The following ZNF521 variants were observed in gnomAD, a reference collection of about 807,000 sequenced individuals.
The protein encoded by ZNF521 is zinc finger protein 521, also known as LYST-interacting protein 3.
ZNF521 carries 14 observed loss-of-function variants against 105.5 expected under a neutral mutation model. The observed-to-expected ratio is 0.13, with a 90% confidence interval of 0.09 to 0.21. The LOEUF is 0.21. ZNF521 is among the 10% of genes least tolerant of loss of function. The pLI is 1.00. For missense variants in ZNF521, 1,233 were observed against 1,629.7 expected (o/e 0.76, Z 4.19); for synonymous variants, 635 against 606.0 (o/e 1.05, Z -0.70).
At chr18:25,280,902 GCTCATGACAAAGGCTTCTAAATACTGT>G (rs1426766781) in intron 3 of ZNF521, among the ~76,000 whole-genome samples, 1 of 151,994 alleles carries the variant, frequency 6.6e-6, no homozygotes, top group Non-Finnish European at 1.5e-5. Flanking sequence ...AAATACAAGG[GCTCATGACAAAGGCTTCTAAATACTGT>G]CTCACTCTCT....
At chr18:25,159,150 C>A (rs1434909041) in intron 5 of ZNF521, among the ~76,000 whole-genome samples, 1 of 152,040 alleles carries the variant, frequency 6.6e-6, no homozygotes, top group African/African-American at 2.4e-5. Flanking sequence ...TAAAGTGCTG[C>A]AACTTTAGGA....
chr18:25,170,282 A>G (rs1319414402), intron 5 of ZNF521, among the ~76,000 whole-genome samples: 3 of 152,082 alleles, frequency 2.0e-5, no homozygotes, highest in African/African-American at 7.2e-5. Flanking sequence ...CAGATTGAAT[A>G]TGACTTCATA....
At chr18:25,189,342 T>TA (rs1335723819) in intron 5 of ZNF521, among the ~76,000 whole-genome samples, 1 of 152,238 alleles carries the variant, frequency 6.6e-6, no homozygotes, top group Non-Finnish European at 1.5e-5. Flanking sequence ...ATTGTGGAGA[T>TA]AATTAAACCC....
intron 5 of ZNF521, among the ~76,000 whole-genome samples, chr18:25,145,188 A>G (rs1226168721): frequency 6.6e-6 from 1 of 152,164 alleles, no homozygotes; most frequent in East Asian, 1.9e-4. Context: ...TTTTCTGGCC[A>G]TTGTCCACTA....
chr18:25,329,544 C>T lies in ZNF521; in HGVS notation c.41-7357G>A, dbSNP rs560386307. Reference sequence around the variant, plus strand: ...AGAAACAAAGGTAAGGCCACAGATACGTAAAACAACATGATGACTTCAAAG... The same window carrying T: ...AGAAACAAAGGTAAGGCCACAGATATGTAAAACAACATGATGACTTCAAAG... On this transcript the variant is annotated intron_variant, in intron 2 of 7. Transcript: ENST00000361524. Among the ~76,000 whole-genome samples the T allele has an allele frequency of 8.5e-5, 13 of 152,202 alleles. No individual in the cohort carries two copies. In the South Asian group the frequency reaches 2.5e-3, roughly 29 times the overall value.
intron 4 of ZNF521, among the ~76,000 whole-genome samples, chr18:25,216,187 A>G (rs1318917794): frequency 1.3e-5 from 2 of 152,182 alleles, no homozygotes; most frequent in Admixed American, 6.5e-5. Context: ...AATACAAAAC[A>G]GAACTCCGGG....
intron 7 of ZNF521, among the ~76,000 whole-genome samples, chr18:25,078,354 C>T (rs766870643): frequency 1.3e-5 from 2 of 152,238 alleles, no homozygotes; most frequent in Non-Finnish European, 2.9e-5. Context: ...TTCAGGCTGA[C>T]TACTCAGCTG....
chr18:25,178,178 C>G (rs1199620743), intron 5 of ZNF521, among the ~76,000 whole-genome samples: 3 of 152,206 alleles, frequency 2.0e-5, no homozygotes, highest in Non-Finnish European at 4.4e-5. Flanking sequence ...AACTGCGTTA[C>G]TCCCTTTCCA....
intron 7 of ZNF521, among the ~76,000 whole-genome samples, chr18:25,067,341 A>G (rs991611634): frequency 4.6e-5 from 7 of 152,134 alleles, no homozygotes; most frequent in Non-Finnish European, 8.8e-5. Flanking sequence ...TTTTTTCTCT[A>G]TAAATGTGAA....
chr18:25,175,261 C>T (rs753745559), intron 5 of ZNF521, among the ~76,000 whole-genome samples: 8 of 152,148 alleles, frequency 5.3e-5, no homozygotes, highest in Non-Finnish European at 1.0e-4. Context: ...GACCTTTCCT[C>T]CTCAGGGAAA....
rs28811017 is a variant in ZNF521 at position 25,267,501 on chromosome 18, G to A, written c.221-39804C>T. ...TAACTGAGAGATACCTCCCAGTAGT[G>A]GTGGACAGACACCTCATACAGGAGA... On this transcript the variant is annotated intron_variant, in intron 3 of 7. Coordinates refer to ENST00000361524, the MANE Select transcript of ZNF521 (RefSeq NM_015461.3). Among the ~76,000 whole-genome samples, 601 of 152,274 alleles carry A rather than the reference G, an allele frequency of 3.9e-3. 8 individuals are homozygous for A. The highest frequency in any genetic ancestry group is 0.014 in the African/African-American group (578 of 41,550).
chr18:25,277,049 G>T (rs933481343), intron 3 of ZNF521, among the ~76,000 whole-genome samples: 11 of 152,058 alleles, frequency 7.2e-5, no homozygotes, highest in Admixed American at 5.2e-4. Context: ...CGAGTGTGGT[G>T]GCACACGCTT....
chr18:25,201,090 T>C (rs2035985262), intron 4 of ZNF521: 1 of 152,024 alleles, frequency 6.6e-6, no homozygotes, highest in South Asian at 2.1e-4. Flanking sequence ...GTTTCGCCAT[T>C]GGTTCTACTA....
At chr18:25,267,233 C>T (rs1349077703) in intron 3 of ZNF521, among the ~76,000 whole-genome samples, 1 of 152,202 alleles carries the variant, frequency 6.6e-6, no homozygotes, top group African/African-American at 2.4e-5. Context: ...CTAGATTCCT[C>T]CTCTCTGGGC....
intron 7 of ZNF521, among the ~76,000 whole-genome samples, chr18:25,069,873 C>T (rs941228298): frequency 3.9e-5 from 6 of 152,020 alleles, no homozygotes; most frequent in African/African-American, 1.5e-4. Flanking sequence ...TGCTTTTGCC[C>T]CTCTCTTTAA....
chr18:25,253,871 A>G (rs553371031), intron 3 of ZNF521, among the ~76,000 whole-genome samples: 123 of 152,074 alleles, frequency 8.1e-4, no homozygotes, highest in African/African-American at 3.0e-3. Flanking sequence ...TGTGGGGGGG[A>G]ACTATTTGCA....
intron 4 of ZNF521, chr18:25,202,055 T>C (rs1284270519): frequency 6.6e-6 from 1 of 152,216 alleles, no homozygotes; most frequent in Non-Finnish European, 1.5e-5. Context: ...GAATAAAATA[T>C]GATATAAACT....
chr18:25,123,435 TTAA>T (rs1346855486), intron 5 of ZNF521, among the ~76,000 whole-genome samples: 1 of 152,200 alleles, frequency 6.6e-6, no homozygotes, highest in African/African-American at 2.4e-5. Context: ...TGAAATAAGA[TTAA>T]TGTTTTCCAA....
chr18:25,088,894 G>T (rs766442138), intron 7 of ZNF521, among the ~76,000 whole-genome samples: 2 of 152,130 alleles, frequency 1.3e-5, no homozygotes, highest in South Asian at 2.1e-4. Flanking sequence ...ACAGTCCAAG[G>T]TTACTCACAC....
Sources: gnomAD v4.1 joint callset for allele counts (sites outside exome capture counted in the v4.1 genomes callset) on GRCh38, gnomAD v4.1.1 for gene constraint, MANE v1.5 for transcripts, NCBI Gene and HGNC (gene_info 2026-07-23, HGNC 2026-07-21) for gene names.